SLC35F1: variants seen among roughly 807,000 people sequenced by gnomAD.
SLC35F1 encodes chromosome 6 open reading frame 169.
In SLC35F1, 14 loss-of-function variants were observed where a neutral mutation model predicts 48.7. The observed-to-expected ratio is 0.29, with a 90% CI of 0.19 to 0.45. The LOEUF (loss-of-function observed/expected upper bound fraction) is 0.45. SLC35F1 is among the 20% of genes least tolerant of loss of function. SLC35F1 has a pLI of 1.00. For missense variants in SLC35F1, 404 were observed against 500.0 expected (o/e 0.81, Z 1.83); for synonymous variants, 190 against 202.2 (o/e 0.94, Z 0.51).
chr6:117,959,866 C>T (rs1776475927), intron 1 of SLC35F1, among the ~76,000 whole-genome samples: 1 of 152,078 alleles, frequency 6.6e-6, no homozygotes, highest in Non-Finnish European at 1.5e-5. Context: ...TAATATTCTC[C>T]ATAGATATAT....
chr6:118,109,194 TA>T (rs1207614869), intron 1 of SLC35F1, among the ~76,000 whole-genome samples: 1 of 152,166 alleles, frequency 6.6e-6, no homozygotes, highest in Non-Finnish European at 1.5e-5. Context: ...TAATTGGCTT[TA>T]AGAGGTTCAC....
intron 1 of SLC35F1, among the ~76,000 whole-genome samples, chr6:117,980,992 G>A (rs1776769376): frequency 6.6e-6 from 1 of 152,236 alleles, no homozygotes; most frequent in Non-Finnish European, 1.5e-5. Context: ...AGGAATACCA[G>A]TTAGTGGTCT....
chr6:118,059,043 A>G lies in SLC35F1; in HGVS notation c.174-95402A>G, dbSNP rs1417583439. On this transcript the variant is annotated intron_variant, in intron 1 of 7. Coordinates refer to ENST00000360388, the MANE Select transcript of SLC35F1 (RefSeq NM_001029858.4). ...AATAATTTAATTAGTTATTCAGGATATGGAAAGACATATACCACGGTATTT... is the reference window on the plus strand; with the variant it reads ...AATAATTTAATTAGTTATTCAGGATGTGGAAAGACATATACCACGGTATTT... Among the ~76,000 whole-genome samples, 4 of 152,334 alleles carry G rather than the reference A, an allele frequency of 2.6e-5. No individual in the cohort carries two copies. In the East Asian group the frequency reaches 7.7e-4, roughly 29 times the overall value.
chr6:118,272,826 G>A (rs1337922894), intron 4 of SLC35F1, among the ~76,000 whole-genome samples: 1 of 147,270 alleles, frequency 6.8e-6, no homozygotes, highest in African/African-American at 2.5e-5. Context: ...AGAAAATGTA[G>A]ATAATAATTT....
chr6:118,114,741 T>C (rs757166996), intron 1 of SLC35F1, among the ~76,000 whole-genome samples: 1 of 152,330 alleles, frequency 6.6e-6, no homozygotes, highest in Admixed American at 6.5e-5. Flanking sequence ...CCTCAGATAA[T>C]GCTGAGCATC....
chr6:118,226,428 T>C (rs1301507051), intron 2 of SLC35F1, among the ~76,000 whole-genome samples: 1 of 152,088 alleles, frequency 6.6e-6, no homozygotes, highest in African/African-American at 2.4e-5. Context: ...ATTGCAGCAC[T>C]ATTCACAATA....
chr6:117,971,371 A>C (rs1776635821), intron 1 of SLC35F1, among the ~76,000 whole-genome samples: 2 of 152,166 alleles, frequency 1.3e-5, no homozygotes, highest in Admixed American at 6.5e-5. Context: ...CTGCTTTCAC[A>C]GGCTGTTGTT....
chr6:118,283,138 CA>C (rs1391635646), intron 6 of SLC35F1, among the ~76,000 whole-genome samples: 1 of 152,212 alleles, frequency 6.6e-6, no homozygotes, highest in African/African-American at 2.4e-5. Context: ...TCATTCTGCT[CA>C]GCCATTGTGG....
At chr6:118,050,379 C>CA (rs199829799) in intron 1 of SLC35F1, among the ~76,000 whole-genome samples, 71,118 of 139,354 alleles carry the variant, frequency 0.51, 18,338 homozygotes, top group Middle Eastern at 0.62. Context: ...AATAAAATTT[C>CA]AAAAAAAAAA....
At chr6:118,107,847 A>T (rs976182759) in intron 1 of SLC35F1, among the ~76,000 whole-genome samples, 7 of 151,996 alleles carry the variant, frequency 4.6e-5, no homozygotes, top group Non-Finnish European at 8.8e-5. Flanking sequence ...AATTACAGAC[A>T]ATTTCAGGGT....
chr6:118,250,749 G>A (rs536699320), intron 3 of SLC35F1, among the ~76,000 whole-genome samples: 110 of 151,460 alleles, frequency 7.3e-4, no homozygotes, highest in African/African-American at 2.6e-3. Context: ...CAAGGCGGGT[G>A]GATAACTTCA....
intron 1 of SLC35F1, among the ~76,000 whole-genome samples, chr6:118,051,405 T>C (rs1772389312): frequency 1.3e-5 from 2 of 152,180 alleles, no homozygotes; most frequent in African/African-American, 4.8e-5. Flanking sequence ...AATTGGGTAA[T>C]TTTCTAATTA....
At chr6:118,035,126 A>G (rs1175567092) in intron 1 of SLC35F1, among the ~76,000 whole-genome samples, 1 of 152,012 alleles carries the variant, frequency 6.6e-6, no homozygotes, top group Non-Finnish European at 1.5e-5. Context: ...ATTTTTCAAT[A>G]TTTTTGTCTG....
intron 2 of SLC35F1, among the ~76,000 whole-genome samples, chr6:118,169,219 C>G (rs1465827199): frequency 1.3e-5 from 2 of 152,168 alleles, no homozygotes; most frequent in Non-Finnish European, 2.9e-5. Flanking sequence ...TAGCAATGAT[C>G]ACTCCTTTGA....
intron 2 of SLC35F1, among the ~76,000 whole-genome samples, chr6:118,180,332 T>C (rs927156333): frequency 1.3e-5 from 2 of 152,066 alleles, no homozygotes; most frequent in Non-Finnish European, 2.9e-5. Flanking sequence ...TTTTTTAACA[T>C]TTTAAACAAA....
intron 1 of SLC35F1, among the ~76,000 whole-genome samples, chr6:118,089,356 C>T (rs781459913): frequency 3.3e-5 from 5 of 152,110 alleles, no homozygotes; most frequent in East Asian, 3.9e-4. Context: ...TTCATCCTTA[C>T]GTATGCCCAA....
chr6:117,976,981 C>A (rs1212634125), intron 1 of SLC35F1, among the ~76,000 whole-genome samples: 1 of 152,116 alleles, frequency 6.6e-6, no homozygotes, highest in African/African-American at 2.4e-5. Flanking sequence ...GTTTTAACTG[C>A]AATTTTAATG....
At chr6:117,941,544 T>C (rs933651698) in intron 1 of SLC35F1, among the ~76,000 whole-genome samples, 4 of 152,178 alleles carry the variant, frequency 2.6e-5, no homozygotes, top group African/African-American at 9.7e-5. Flanking sequence ...CATAGAGGTG[T>C]CAGGGACATC....
intron 3 of SLC35F1, among the ~76,000 whole-genome samples, chr6:118,263,304 C>G (rs1368392826): frequency 6.6e-6 from 1 of 152,170 alleles, no homozygotes; most frequent in African/African-American, 2.4e-5. Context: ...GATCCTCCCG[C>G]CTCAGCCTCC....
Sources: allele counts gnomAD v4.1 joint callset (sites outside exome capture counted in the v4.1 genomes callset), GRCh38; gene constraint gnomAD v4.1.1; transcripts MANE v1.5; gene names NCBI Gene and HGNC (gene_info 2026-07-23, HGNC 2026-07-21).